UGT1A10: variants seen among roughly 807,000 people sequenced by gnomAD.
UGT1A10 encodes UDP glucuronosyltransferase family 1 member A10, also known as UDP-glucuronosyltransferase 1A10.
A neutral mutation model predicts 45.8 loss-of-function variants in UGT1A10; 49 were observed. The ratio of observed to expected loss-of-function variants is 1.07; its 90% confidence interval spans 0.85 to 1.36. The LOEUF (loss-of-function observed/expected upper bound fraction) is 1.36. Ranked by LOEUF, UGT1A10 falls within the 40% of genes most tolerant of loss-of-function variation. UGT1A10 has a pLI of 0.00. For synonymous variants in UGT1A10, 284 were observed against 249.7 expected, an observed-to-expected ratio of 1.14 and a Z score of -1.29; for missense variants, 745 against 668.6, an observed-to-expected ratio of 1.11 and a Z score of -1.26.
chr2:233,748,146 T>TAA, intron 1 of UGT1A10: 1 of 1,606,298 alleles, frequency 6.2e-7, no homozygotes, highest in Non-Finnish European at 8.5e-7. Flanking sequence ...TGTATTTACT[T>TAA]ACAATTGCTT....
chr2:233,682,793 G>A (rs750891491), intron 1 of UGT1A10: 10 of 1,611,268 alleles, frequency 6.2e-6, no homozygotes, highest in Non-Finnish European at 8.5e-6. Flanking sequence ...AGTGCCTATG[G>A]TAAGTTATCT....
intron 1 of UGT1A10, among the ~76,000 whole-genome samples, chr2:233,751,182 A>C (rs1481520525): frequency 1.3e-5 from 2 of 151,938 alleles, no homozygotes; most frequent in African/African-American, 4.9e-5. Flanking sequence ...ATGAGACATG[A>C]AGTTAAAGGT....
At chr2:233,748,216 G>A in intron 1 of UGT1A10, 1 of 1,478,190 alleles carries the variant, frequency 6.8e-7, no homozygotes, top group South Asian at 1.3e-5. Flanking sequence ...CCTTCAGTGA[G>A]ATAAACTGTT....
At chr2:233,736,657 T>G (rs571352922) in intron 1 of UGT1A10, among the ~76,000 whole-genome samples, 1 of 152,376 alleles carries the variant, frequency 6.6e-6, no homozygotes, top group African/African-American at 2.4e-5. Context: ...TGTGGTTTTA[T>G]GTACCTTAGG....
intron 1 of UGT1A10, among the ~76,000 whole-genome samples, chr2:233,637,691 C>A (rs2073338462): frequency 6.6e-6 from 1 of 151,840 alleles, no homozygotes; most frequent in Non-Finnish European, 1.5e-5. Flanking sequence ...TCTATGTGAC[C>A]CCGTAGTTGA....
At chr2:233,755,012 G>C in intron 1 of UGT1A10, 1 of 1,294,464 alleles carries the variant, frequency 7.7e-7, no homozygotes, top group Non-Finnish European at 1.0e-6. Flanking sequence ...CCTACTCGAA[G>C]GGGTCCTTGA....
Position 233,734,360 on chromosome 2 carries a change from C to A in UGT1A10, c.856-32674C>A, listed in dbSNP as rs565800937. 2.0e-5 allele frequency among the ~76,000 whole-genome samples: 3 copies of A among 152,192 alleles called. No homozygotes were observed. The East Asian group carries it at 5.8e-4, about 29-fold the overall frequency. On this transcript the variant is annotated intron_variant, in intron 1 of 4. Transcript: ENST00000344644. ...ATGGTAGTTTGTATTTCTGTGGGAT[C>A]GGTGGTGATATTGCCTTTACTATTT...
At position 233,696,719 on chromosome 2, in the gene UGT1A10, G is replaced by A. The variant is rs112627579; in HGVS notation, c.855+59342G>A. ...TCTTATTCCAGATTTTAGAGGAACA[G>A]TTTTCAGTTTTACCCTTTTCAGTAT... is the stretch of plus-strand genomic sequence containing the variant. On this transcript the variant is annotated intron_variant, in intron 1 of 4. Transcript: ENST00000344644. Among the ~76,000 whole-genome samples, 287 of 152,106 alleles carry A rather than the reference G, an allele frequency of 1.9e-3. 1 individual carries two copies. The highest frequency in any genetic ancestry group is 6.8e-3 in the African/African-American group (283 of 41,504).
At chr2:233,682,012 A>C (rs772323703) in intron 1 of UGT1A10, 29 of 1,614,092 alleles carry the variant, frequency 1.8e-5, no homozygotes, top group Non-Finnish European at 2.4e-5. Flanking sequence ...TTGCCAAGGC[A>C]GGGAAGCTGC....
chr2:233,640,944 C>T (rs1420387879), intron 1 of UGT1A10, among the ~76,000 whole-genome samples: 1 of 152,170 alleles, frequency 6.6e-6, no homozygotes, highest in African/African-American at 2.4e-5. Flanking sequence ...CTATAAGTCT[C>T]CCTTTCTTCA....
intron 1 of UGT1A10, among the ~76,000 whole-genome samples, chr2:233,660,484 A>G (rs2073940799): frequency 6.6e-6 from 1 of 152,156 alleles, no homozygotes; most frequent in South Asian, 2.1e-4. Context: ...GATTTCAGAG[A>G]CAAAGCGTTG....
chr2:233,648,010 A>C (rs2073645490), intron 1 of UGT1A10: 2 of 1,603,494 alleles, frequency 1.2e-6, no homozygotes, highest in Non-Finnish European at 1.7e-6. Context: ...GGTTGTAGTC[A>C]GGCCAGAGGT....
At chr2:233,693,657 A>T in intron 1 of UGT1A10, 1 of 1,614,170 alleles carries the variant, frequency 6.2e-7, no homozygotes, top group South Asian at 1.1e-5. Flanking sequence ...AATTTGTTGG[A>T]GCCCTATCTA....
chr2:233,746,916 C>G (rs1283872586), intron 1 of UGT1A10, among the ~76,000 whole-genome samples: 1 of 151,772 alleles, frequency 6.6e-6, no homozygotes, highest in Non-Finnish European at 1.5e-5. Flanking sequence ...TGGGTTTCCA[C>G]AGGCCTTTGT....
intron 1 of UGT1A10, among the ~76,000 whole-genome samples, chr2:233,710,198 G>T (rs1472621460): frequency 6.6e-6 from 1 of 152,194 alleles, no homozygotes; most frequent in African/African-American, 2.4e-5. Flanking sequence ...ATAGTTTCCA[G>T]TTGTTGGCTA....
At chr2:233,651,402 A>G (rs538629295) in intron 1 of UGT1A10, among the ~76,000 whole-genome samples, 2 of 152,278 alleles carry the variant, frequency 1.3e-5, no homozygotes, top group African/African-American at 4.8e-5. Flanking sequence ...ATCATTTTAT[A>G]TATTTTTGGT....
intron 1 of UGT1A10, among the ~76,000 whole-genome samples, chr2:233,689,667 A>C (rs1575441653): frequency 6.6e-6 from 1 of 152,332 alleles, no homozygotes; most frequent in Admixed American, 6.5e-5. Context: ...TCCTCCAAGA[A>C]CAAAGAATGG....
At chr2:233,657,259 T>G (rs1328778322) in intron 1 of UGT1A10, among the ~76,000 whole-genome samples, 2 of 152,182 alleles carry the variant, frequency 1.3e-5, no homozygotes, top group Admixed American at 6.5e-5. Context: ...GCGGTTTAGT[T>G]TTTTTGTGTT....
chr2:233,770,760 A>G (rs1700148901), intron 4 of UGT1A10: 1 of 152,240 alleles, frequency 6.6e-6, no homozygotes, highest in Non-Finnish European at 1.5e-5. Context: ...CTAATATTAC[A>G]TTATAATAAT....
Sources: allele counts gnomAD v4.1 joint callset (sites outside exome capture counted in the v4.1 genomes callset), GRCh38; gene constraint gnomAD v4.1.1; transcripts MANE v1.5; gene names NCBI Gene and HGNC (gene_info 2026-07-23, HGNC 2026-07-21).